Variants in DCLK2 observed in about 807,000 individuals in gnomAD.
The protein encoded by DCLK2 is serine/threonine-protein kinase DCLK2.
A neutral mutation model predicts 78.4 loss-of-function variants in DCLK2; 31 were observed. The ratio of observed to expected loss-of-function variants is 0.40; its 90% confidence interval spans 0.30 to 0.53. The LOEUF (loss-of-function observed/expected upper bound fraction) is 0.53, where lower values mean the gene tolerates loss of function less well. Ranked by LOEUF, DCLK2 falls within the 20% of genes least tolerant of loss-of-function variation. The probability of loss-of-function intolerance (pLI) is 0.61; values close to 1 mark genes in which losing one functional copy is unlikely to be tolerated. For synonymous variants in DCLK2, 407 were observed against 374.9 expected (o/e 1.09, Z -0.99); for missense variants, 872 against 973.7 (o/e 0.90, Z 1.39).
chr4:150,238,931 A>G (rs533945034), intron 10 of DCLK2, among the ~76,000 whole-genome samples: 117 of 152,346 alleles, frequency 7.7e-4, no homozygotes, highest in African/African-American at 2.3e-3. Flanking sequence ...CTGTCTAGAC[A>G]ACAAGGACCC....
intron 2 of DCLK2, among the ~76,000 whole-genome samples, chr4:150,180,395 A>G (rs1737421764): frequency 6.6e-6 from 1 of 152,186 alleles, no homozygotes; most frequent in Admixed American, 6.5e-5. Flanking sequence ...TTTGGATTGG[A>G]AGATTGCCAC....
At chr4:150,127,384 C>T (rs1387508485) in intron 2 of DCLK2, among the ~76,000 whole-genome samples, 4 of 152,302 alleles carry the variant, frequency 2.6e-5, no homozygotes, top group South Asian at 4.1e-4. Flanking sequence ...TAAGGAAGAG[C>T]TATCCCTTCT....
At position 150,240,609 on chromosome 4, in the gene DCLK2, G is replaced by T. The variant is rs550208077; in HGVS notation, c.1778+133G>T. On this transcript the variant is annotated intron_variant, in intron 12 of 15. Transcript: ENST00000296550. ...CAGTTAAAAATTACATAAAACGGGG[G>T]GAGGGGGGAGGGATAGCATTGGAAG... 1.8e-5 allele frequency: 9 copies of T among 490,770 alleles called. 1 individual carries two copies. Among genetic ancestry groups the T allele is most frequent in the Non-Finnish European group, 3.3e-5 (9 of 274,670 alleles). 30.4% of individuals were successfully genotyped at this position (490,770 alleles called of 1,614,324 possible). A position where few individuals can be genotyped will look rare whatever the true frequency, so the allele number is the denominator to read the frequency against.
rs1378760105 is a variant in DCLK2, at chr4:150,190,053, G to GAAAAAAAAAAAAAA, written c.757-3085_757-3084insAAAAAAAAAAAAAA. 2.3e-4 allele frequency among the ~76,000 whole-genome samples: 3 copies of GAAAAAAAAAAAAAA among 12,956 alleles called. 1 individual carries two copies. Among genetic ancestry groups the GAAAAAAAAAAAAAA allele is most frequent in the African/African-American group, 5.7e-4 (3 of 5,290 alleles). 8.5% of individuals were successfully genotyped at this position (12,956 alleles called of 152,430 possible). A position where few individuals can be genotyped will look rare whatever the true frequency, so the allele number is the denominator to read the frequency against. On this transcript the variant is annotated intron_variant, in intron 2 of 15. Coordinates refer to ENST00000296550, the MANE Select transcript of DCLK2 (RefSeq NM_001040260.4). The stretch of plus-strand genomic sequence containing the variant: ...CTGTCTCAAAAAAAAAAAAAAAAAG[G>GAAAAAAAAAAAAAA]CCAAGTGTGGTGGCTGTGGTCCCAG...
At position 150,102,518 on chromosome 4, in the gene DCLK2, A is replaced by G. The variant is rs751117929; in HGVS notation, c.462A>G (p.Lys154=). The part of the protein sequence containing the change: ...YVCASNEPFR[K]VDYTKNINPN... ...GTGCATCCAATGAACCATTTCGTAA[A>G]GTCGATTACACCAAAAATATTAATC... is the stretch of plus-strand genomic sequence containing the variant. Residue 154 remains lysine (K), a synonymous_variant, in exon 2 of 16, where the codon AAA becomes AAG. Coordinates refer to ENST00000296550, the MANE Select transcript of DCLK2 (RefSeq NM_001040260.4). 1.9e-6 allele frequency: 3 copies of G among 1,614,028 alleles called. No individual in the cohort carries two copies. The Admixed American group carries it at 5.0e-5, about 27-fold the overall frequency.
intron 2 of DCLK2, among the ~76,000 whole-genome samples, chr4:150,174,934 G>A (rs1459167339): frequency 1.4e-5 from 2 of 137,950 alleles, no homozygotes; most frequent in Non-Finnish European, 3.0e-5. Context: ...GGAGGCAGAG[G>A]TTGCAGTGAG....
At chr4:150,227,298 A>T (rs748309985) in intron 8 of DCLK2, among the ~76,000 whole-genome samples, 39 of 152,236 alleles carry the variant, frequency 2.6e-4, no homozygotes, top group Non-Finnish European at 4.6e-4. Context: ...AGGCATTGTT[A>T]GATTCATGTA....
At chr4:150,193,335 G>A (rs945765900) in intron 3 of DCLK2, 95 bp downstream of exon 3, 42 of 700,044 alleles carry the variant, frequency 6.0e-5, no homozygotes, top group Non-Finnish European at 8.7e-5. Context: ...ATGTTAAGAA[G>A]TCTGACATGT....
rs920597022 is a variant in DCLK2, at chr4:150,109,586, C to T, written c.756+6774C>T. Among the ~76,000 whole-genome samples, 6 of 152,192 alleles carry T rather than the reference C, an allele frequency of 3.9e-5. No individual in the cohort carries two copies. In the East Asian group the frequency reaches 1.2e-3, roughly 29 times the overall value. ...TCTCCTGACATCGTGTTCCGCCCGCCTCGGCCTCCCAAAGTGCTGGGATTG... is the reference window on the plus strand; with the variant it reads ...TCTCCTGACATCGTGTTCCGCCCGCTTCGGCCTCCCAAAGTGCTGGGATTG... On this transcript the variant is annotated intron_variant, in intron 2 of 15. Coordinates refer to ENST00000296550, the MANE Select transcript of DCLK2 (RefSeq NM_001040260.4).
At chr4:150,127,544 T>C (rs1733004793) in intron 2 of DCLK2, among the ~76,000 whole-genome samples, 1 of 152,162 alleles carries the variant, frequency 6.6e-6, no homozygotes, top group South Asian at 2.1e-4. Flanking sequence ...CTTTGACATA[T>C]TTAAGGATAT....
Position 150,254,397 on chromosome 4 carries a change from C to T in DCLK2, c.2074-1623C>T, listed in dbSNP as rs150243522. 5.9e-3 allele frequency: 2,338 copies of T among 399,160 alleles called. 15 individuals are homozygous for T. The highest frequency in any genetic ancestry group is 8.3e-3 in the Non-Finnish European group (1,879 of 226,502). 24.7% of individuals were successfully genotyped at this position (399,160 alleles called of 1,614,324 possible). A position where few individuals can be genotyped will look rare whatever the true frequency, so the allele number is the denominator to read the frequency against. On this transcript the variant is annotated intron_variant, in intron 15 of 15. Coordinates refer to ENST00000296550, the MANE Select transcript of DCLK2 (RefSeq NM_001040260.4). ...CTTCTCTCCTGCCTTCTGCCTCTCC[C>T]GCCGCCTGCATTGCTTCCCTCTGGC...
rs544464303 is a variant in DCLK2 at position 150,188,658 on chromosome 4, A to G, written c.757-4480A>G. ...GGCTCACGCCTGTAATCCCAACACT[A>G]TGGGAGGCTGAGGCAGGCGGATCAC... On this transcript the variant is annotated intron_variant, in intron 2 of 15. Transcript: ENST00000296550. 1.6e-4 allele frequency among the ~76,000 whole-genome samples: 25 copies of G among 151,956 alleles called. 1 individual carries two copies. In the South Asian group the frequency reaches 4.4e-3, roughly 27 times the overall value.
At chr4:150,119,946 G>C (rs551660997) in intron 2 of DCLK2, among the ~76,000 whole-genome samples, 10 of 152,278 alleles carry the variant, frequency 6.6e-5, no homozygotes, top group Non-Finnish European at 7.4e-5. Context: ...TTGAGTTATA[G>C]ATGCTTTGAA....
At position 150,245,374 on chromosome 4, in the gene DCLK2, G is replaced by T. The variant is rs867590003; in HGVS notation, c.1779-2229G>T. Among the ~76,000 whole-genome samples the T allele has an allele frequency of 3.9e-5, 6 of 151,940 alleles. 1 individual carries two copies. The highest frequency in any genetic ancestry group is 7.2e-5 in the African/African-American group (3 of 41,380). On this transcript the variant is annotated intron_variant, in intron 12 of 15. Transcript: ENST00000296550. ...CATTCAGCTGGGCTTGCTTTTTTTT[G>T]TTGTTTTTATTTTATTTAAGTTCTA...
rs1387786742 is a variant in DCLK2, at chr4:150,093,146, T to C, written c.422-9332T>C. ...TTTGTATACACTAATAACAAACTAA[T>C]AAGGAAATTAAGAAAATTTCATGTA... On this transcript the variant is annotated intron_variant, in intron 1 of 15. Transcript: ENST00000296550. 3.3e-5 allele frequency among the ~76,000 whole-genome samples: 5 copies of C among 152,248 alleles called. No homozygotes were observed. The East Asian group carries it at 7.7e-4, about 24-fold the overall frequency.
intron 2 of DCLK2, among the ~76,000 whole-genome samples, chr4:150,113,528 T>C (rs1430500819): frequency 6.6e-6 from 1 of 152,186 alleles, no homozygotes; most frequent in East Asian, 1.9e-4. Flanking sequence ...ATTTCCAAGT[T>C]TGTATGCATA....
chr4:150,155,081 AATT>A (rs1735168597), intron 2 of DCLK2, among the ~76,000 whole-genome samples: 2 of 152,156 alleles, frequency 1.3e-5, no homozygotes, highest in South Asian at 4.1e-4. Context: ...AAATAAAAAA[AATT>A]AGCTGGGTGT....
chr4:150,155,218 A>C (rs1259537508), intron 2 of DCLK2, among the ~76,000 whole-genome samples: 1 of 152,216 alleles, frequency 6.6e-6, no homozygotes. Flanking sequence ...GCAACAGAAC[A>C]AGACCTTGTC....
At chr4:150,193,638 T>A (rs568574897) in intron 3 of DCLK2, among the ~76,000 whole-genome samples, 1 of 152,332 alleles carries the variant, frequency 6.6e-6, no homozygotes, top group Admixed American at 6.5e-5. Flanking sequence ...TTTTTTGTGA[T>A]GTGTATGCAT....
Sources: gnomAD v4.1 joint callset for allele counts (sites outside exome capture counted in the v4.1 genomes callset) on GRCh38, gnomAD v4.1.1 for gene constraint, MANE v1.5 for transcripts, NCBI Gene and HGNC (gene_info 2026-07-23, HGNC 2026-07-21) for gene names.